Variants in FBXO22 observed in about 807,000 individuals in gnomAD.
FBXO22 encodes the protein F-box only protein 22.
Under a neutral mutation model 37.2 loss-of-function variants are expected in FBXO22, and 13 were observed. The observed-to-expected ratio is 0.35, with a 90% CI of 0.23 to 0.56. The LOEUF (loss-of-function observed/expected upper bound fraction) is 0.56, where lower values mean the gene tolerates loss of function less well. Among genes scored for constraint, FBXO22 ranks in the 20% least tolerant of loss-of-function variants. The pLI, the probability that FBXO22 is intolerant of heterozygous loss-of-function variation, is 0.87. For synonymous variants in FBXO22, 189 were observed against 189.1 expected (o/e 1.00, Z 0.00); for missense variants, 446 against 509.9 (o/e 0.87, Z 1.21).
At position 75,935,930 on chromosome 15, in the gene FBXO22, GGCGCCCGCCACC is replaced by G. The variant is rs2030296578; in HGVS notation, c.*2836_*2847del. On this transcript the variant is annotated 3_prime_UTR_variant, in exon 7 of 7. Transcript: ENST00000308275. ...AGCCTCCCGAGTAGCTGGGACTACAGGCGCCCGCCACCGCGCCCGGCTAATTTTTTGTATTTT... is the reference window on the plus strand; with the variant it reads ...AGCCTCCCGAGTAGCTGGGACTACAGGCGCCCGGCTAATTTTTTGTATTTT... The G allele has an allele frequency of 6.6e-6, 1 of 152,004 alleles. No homozygotes were observed. Among genetic ancestry groups the G allele is most frequent in the Non-Finnish European group, 1.5e-5 (1 of 68,004 alleles). 9.4% of individuals were successfully genotyped at this position (152,004 alleles called of 1,614,324 possible). A position where few individuals can be genotyped will look rare whatever the true frequency, so the allele number is the denominator to read the frequency against.
intron 5 of FBXO22, among the ~76,000 whole-genome samples, chr15:75,928,691 T>G (rs1325716510): frequency 6.6e-6 from 1 of 152,020 alleles, no homozygotes; most frequent in African/African-American, 2.4e-5. Flanking sequence ...ATGACACACG[T>G]TTGCCTGTGG....
At chr15:75,916,995 G>A (rs1358331337) in intron 4 of FBXO22, among the ~76,000 whole-genome samples, 2 of 152,062 alleles carry the variant, frequency 1.3e-5, no homozygotes, top group Non-Finnish European at 2.9e-5. Flanking sequence ...TAGTTTAGCA[G>A]TTGAAAAAAT....
chr15:75,910,903 C>A (rs1900038071), intron 2 of FBXO22, among the ~76,000 whole-genome samples: 1 of 152,166 alleles, frequency 6.6e-6, no homozygotes, highest in Admixed American at 6.5e-5. Context: ...TTAGGTCTTA[C>A]ATTTAAGTCT....
intron 5 of FBXO22, among the ~76,000 whole-genome samples, chr15:75,928,555 G>A (rs1030630338): frequency 6.6e-6 from 1 of 152,106 alleles, no homozygotes; most frequent in African/African-American, 2.4e-5. Flanking sequence ...ACGCAAAGAG[G>A]GGCACAACAG....
In FBXO22 at chr15:75,917,215, T is replaced by A; in HGVS notation, c.464-15T>A. Reference sequence around the variant, plus strand: ...TACTGACTCTATTGGTGAAACTGTTTAACTTTTTCTCTAGTGACTCCAATG... The same window carrying A: ...TACTGACTCTATTGGTGAAACTGTTAAACTTTTTCTCTAGTGACTCCAATG... On this transcript the variant is annotated splice_polypyrimidine_tract_variant and intron_variant, in intron 4 of 6. Transcript: ENST00000308275. 6.3e-7 allele frequency: 1 copy of A among 1,598,054 alleles called. No homozygotes were observed. Among genetic ancestry groups the A allele is most frequent in the Non-Finnish European group, 8.5e-7 (1 of 1,173,892 alleles).
intron 5 of FBXO22, among the ~76,000 whole-genome samples, chr15:75,923,335 T>C (rs576377655): frequency 2.0e-5 from 3 of 152,366 alleles, no homozygotes; most frequent in Admixed American, 1.3e-4. Context: ...AGCTTTCTTA[T>C]AGGTGTCCTT....
chr15:75,911,818 G>A (rs1900058813), intron 2 of FBXO22, among the ~76,000 whole-genome samples: 1 of 150,688 alleles, frequency 6.6e-6, no homozygotes, highest in Non-Finnish European at 1.5e-5. Context: ...GGAATGGTGA[G>A]AGAGGGCATC....
rs921820436 is a variant in FBXO22, at chr15:75,916,115, T to A, written c.464-1115T>A. Among the ~76,000 whole-genome samples the A allele has an allele frequency of 2.6e-4, 40 of 151,612 alleles. 1 individual carries two copies. Among genetic ancestry groups the A allele is most frequent in the African/African-American group, 9.4e-4 (39 of 41,350 alleles). On this transcript the variant is annotated intron_variant, in intron 4 of 6. Coordinates refer to ENST00000308275, the MANE Select transcript of FBXO22 (RefSeq NM_147188.3). ...TTTTTTATACTAGTAATAGTTATTTTTAGAAAAAAAAAATTAGAAGATTCA... is the reference window on the plus strand; with the variant it reads ...TTTTTTATACTAGTAATAGTTATTTATAGAAAAAAAAAATTAGAAGATTCA...
chr15:75,920,765 G>A (rs1404304189), intron 5 of FBXO22, among the ~76,000 whole-genome samples: 2 of 152,130 alleles, frequency 1.3e-5, no homozygotes, highest in African/African-American at 2.4e-5. Context: ...GGAGGTTGCC[G>A]TGAGCTGAAG....
At chr15:75,931,779 T>C (rs1296018441) in intron 6 of FBXO22, among the ~76,000 whole-genome samples, 1 of 152,162 alleles carries the variant, frequency 6.6e-6, no homozygotes, top group African/African-American at 2.4e-5. Flanking sequence ...CAGGCAAATA[T>C]AAACAAAAAC....
chr15:75,906,596 A>T (rs1899934690), intron 2 of FBXO22, among the ~76,000 whole-genome samples: 1 of 152,096 alleles, frequency 6.6e-6, no homozygotes, highest in Non-Finnish European at 1.5e-5. Flanking sequence ...TAGATATTAC[A>T]TCAATGCCCC....
intron 5 of FBXO22, among the ~76,000 whole-genome samples, chr15:75,919,453 A>G (rs952949533): frequency 8.5e-5 from 13 of 152,356 alleles, no homozygotes; most frequent in African/African-American, 3.1e-4. Flanking sequence ...TAAAAAATAA[A>G]TAGAAGGTAG....
chr15:75,934,937 A>G lies in FBXO22; in HGVS notation c.*1835A>G, dbSNP rs1224891751. ...ATATAAAATGTTTTGCTGCTTCTCA[A>G]AGAGTCTGATACAGGGTAATTTCAT... On this transcript the variant is annotated 3_prime_UTR_variant, in exon 7 of 7. Coordinates refer to ENST00000308275, the MANE Select transcript of FBXO22 (RefSeq NM_147188.3). 6.6e-6 allele frequency: 1 copy of G among 152,194 alleles called. No individual in the cohort carries two copies. Among genetic ancestry groups the G allele is most frequent in the African/African-American group, 2.4e-5 (1 of 41,452 alleles). 9.4% of individuals were successfully genotyped at this position (152,194 alleles called of 1,614,324 possible).
intron 2 of FBXO22, among the ~76,000 whole-genome samples, chr15:75,912,141 A>G (rs1345442772): frequency 6.6e-6 from 1 of 151,856 alleles, no homozygotes; most frequent in African/African-American, 2.4e-5. Context: ...TGTGGTAGAT[A>G]AGCTTTTTGA....
At chr15:75,904,651 G>A (rs747317087) in intron 2 of FBXO22, 22 bp downstream of exon 2, 5 of 1,572,662 alleles carry the variant, frequency 3.2e-6, no homozygotes, top group Middle Eastern at 1.7e-4. Flanking sequence ...GGGGTGTCAT[G>A]CACAGTCATT....
intron 2 of FBXO22, 21 bp from the exon 3 acceptor site, chr15:75,913,182 A>ATTTTTTTTTTTTTT: frequency 2.5e-6 from 3 of 1,178,226 alleles, no homozygotes; most frequent in South Asian, 1.5e-5. Context: ...TCCAATTCCA[A>ATTTTTTTTTTTTTT]TTTTTTTTTT....
intron 5 of FBXO22, among the ~76,000 whole-genome samples, chr15:75,924,453 T>C (rs1900397367): frequency 6.6e-6 from 1 of 152,068 alleles, no homozygotes; most frequent in Admixed American, 6.6e-5. Flanking sequence ...AGCCTCTAGG[T>C]TGAAGGGTGA....
Position 75,941,655 on chromosome 15 carries a change from A to G in FBXO22, c.*8553A>G, listed in dbSNP as rs1243478701. 1 of 152,192 alleles carries G rather than the reference A, an allele frequency of 6.6e-6. No homozygotes were observed. The highest frequency in any genetic ancestry group is 2.1e-4 in the South Asian group (1 of 4,836). 9.4% of individuals were successfully genotyped at this position (152,192 alleles called of 1,614,324 possible). ...CCTTTCAGACATTAAGTAAATCACA[A>G]AAGGACAATACTATATGAATCCACT... On this transcript the variant is annotated 3_prime_UTR_variant, in exon 7 of 7. Coordinates refer to ENST00000308275, the MANE Select transcript of FBXO22 (RefSeq NM_147188.3).
intron 5 of FBXO22, among the ~76,000 whole-genome samples, chr15:75,925,087 G>A (rs1041981671): frequency 1.3e-5 from 2 of 152,162 alleles, no homozygotes; most frequent in Admixed American, 6.5e-5. Flanking sequence ...AGGATTGGAA[G>A]TGTCCTGTGT....
Sources: allele counts gnomAD v4.1 joint callset (sites outside exome capture counted in the v4.1 genomes callset), GRCh38; gene constraint gnomAD v4.1.1; transcripts MANE v1.5; gene names NCBI Gene and HGNC (gene_info 2026-07-23, HGNC 2026-07-21).